The following PLCD1 variants were observed in gnomAD, a reference collection of about 807,000 sequenced individuals.
PLCD1 encodes the protein phospholipase C delta 1.
PLCD1 carries 71 observed loss-of-function variants against 87.4 expected under a neutral mutation model. That is an observed-to-expected ratio of 0.81 (90% confidence interval 0.67 to 0.99). The LOEUF is 0.99. PLCD1 is among the 50% of genes least tolerant of loss of function. The pLI, the probability that PLCD1 is intolerant of heterozygous loss-of-function variation, is 0.00. For missense variants in PLCD1, 867 were observed against 1,001.5 expected (o/e 0.87, Z 1.81); for synonymous variants, 348 against 399.2 (o/e 0.87, Z 1.53).
intron 1 of PLCD1, 103 bp downstream of exon 1, chr3:38,029,403 G>T: frequency 9.7e-7 from 1 of 1,029,134 alleles, no homozygotes; most frequent in Non-Finnish European, 1.5e-6. Flanking sequence ...GGGGTGGTGT[G>T]GAGGCGGCCG....
rs1700343539 is a variant in PLCD1, at chr3:38,029,627, G to A, written c.-88C>T. ...CGGCCTGGGGTCCGAGCGGAGTGCG[G>A]TGCAGGGACCTGAATGGACCGCGGT... On this transcript the variant is annotated 5_prime_UTR_variant, in exon 1 of 15. Coordinates refer to ENST00000334661, the MANE Select transcript of PLCD1 (RefSeq NM_006225.4). The A allele has an allele frequency of 3.9e-6, 5 of 1,296,696 alleles. No homozygotes were observed. Among genetic ancestry groups the A allele is most frequent in the South Asian group, 1.3e-5 (1 of 77,104 alleles). 80.3% of individuals were successfully genotyped at this position (1,296,696 alleles called of 1,614,324 possible).
rs772219717 is a variant in PLCD1 at position 38,010,539 on chromosome 3, T to C, written c.814A>G (p.Lys272Glu). 6.2e-7 allele frequency: 1 copy of C among 1,613,924 alleles called. No individual in the cohort carries two copies. The highest frequency in any genetic ancestry group is 8.5e-7 in the Non-Finnish European group (1 of 1,179,922). The change falls in exon 6 of 15, where the codon AAG (lysine) becomes GAG (glutamate). Residue 272 changes from lysine (K) to glutamate (E), a missense_variant. Physicochemically the swap from Lys to Glu is moderately conservative, Grantham distance 56. Coordinates refer to ENST00000334661, the MANE Select transcript of PLCD1 (RefSeq NM_006225.4). ...AGTAAGTACATGAGGAAGCCGTCCT[T>C]GGTCATCTGCCGCTGCGCCTTGGCT... ...ETAKAQRQMT[K>E]DGFLMYLLSA... is the part of the protein sequence containing the mutation.
intron 1 of PLCD1, among the ~76,000 whole-genome samples, chr3:38,023,002 G>A (rs746754827): frequency 1.3e-5 from 2 of 152,116 alleles, no homozygotes; most frequent in African/African-American, 4.8e-5. Flanking sequence ...TGGGAGGGTC[G>A]TGGCGAGGAG....
rs1227535346 is a variant in PLCD1 at position 38,011,544 on chromosome 3, C to G, written c.558G>C (p.Arg186Ser). 1 of 1,614,046 alleles carries G rather than the reference C, an allele frequency of 6.2e-7. No individual in the cohort carries two copies. Among genetic ancestry groups the G allele is most frequent in the Non-Finnish European group, 8.5e-7 (1 of 1,179,996 alleles). ...CCCCAGCCCCCACTTCCTGCCTCACCCTGAAGATCTTCCGGGCATAGCTGT... is the reference window on the plus strand; with the variant it reads ...CCCCAGCCCCCACTTCCTGCCTCACGCTGAAGATCTTCCGGGCATAGCTGT... Reference protein sequence around the residue: ...VDDSYARKIFRECDHSQTDSL... With the variant: ...VDDSYARKIFSECDHSQTDSL... The change falls in exon 4 of 15, where the codon AGG (arginine) becomes AGC (serine). Residue 186 changes from arginine (R) to serine (S), a missense_variant and splice_region_variant. Transcript: ENST00000334661.
chr3:38,019,881 A>G (rs1700207747), intron 2 of PLCD1, among the ~76,000 whole-genome samples: 1 of 152,086 alleles, frequency 6.6e-6, no homozygotes, highest in Non-Finnish European at 1.5e-5. Flanking sequence ...ATCTGTGGTC[A>G]TGGTTAAGTA....
At chr3:38,011,792 A>C (rs1700082386) in intron 3 of PLCD1, 119 bp from the exon 4 acceptor site, 1 of 906,754 alleles carries the variant, frequency 1.1e-6, no homozygotes, top group Admixed American at 1.8e-5. Context: ...GGCCTGACTT[A>C]CTACACATCC....
Position 38,016,643 on chromosome 3 carries a change from G to A in PLCD1, c.276C>T (p.Pro92=), listed in dbSNP as rs375939767. 126 of 1,607,004 alleles carry A rather than the reference G, an allele frequency of 7.8e-5. No individual in the cohort carries two copies. Among genetic ancestry groups the A allele is most frequent in the African/African-American group, 1.2e-4 (9 of 74,968 alleles). Residue 92 remains proline (P), a synonymous_variant, in exon 3 of 15, where the codon CCC becomes CCT. Coordinates refer to ENST00000334661, the MANE Select transcript of PLCD1 (RefSeq NM_006225.4). ...EGLEKFARDV[P]EDRCFSIVFK... is the part of the protein sequence containing the mutation. ...AGACAATGGAGAAGCAGCGGTCCTC[G>A]GGCACATCACGGGCGAACTTCTCCA...
chr3:38,011,378 G>A lies in PLCD1; in HGVS notation c.626C>T (p.Thr209Ile). 6.2e-7 allele frequency: 1 copy of A among 1,613,536 alleles called. No individual in the cohort carries two copies. Among genetic ancestry groups the A allele is most frequent in the Non-Finnish European group, 8.5e-7 (1 of 1,180,036 alleles). Residue 209 changes from threonine (T) to isoleucine (I), a missense_variant, in exon 5 of 15, where the codon ACC (threonine) becomes ATC (isoleucine). By Grantham distance (89) the Thr-to-Ile change is moderately conservative. Transcript: ENST00000334661. ...EEIEAFYKMLTQRVEIDRTFA... is the reference protein window; with the variant it reads ...EEIEAFYKMLIQRVEIDRTFA... Reference sequence around the variant, plus strand: ...GGTGCGGTCGATCTCCACCCGCTGGGTCAGCATCTTGTAGAAGGCCTCAAT... The same window carrying A: ...GGTGCGGTCGATCTCCACCCGCTGGATCAGCATCTTGTAGAAGGCCTCAAT...
At position 38,010,275 on chromosome 3, in the gene PLCD1, C is replaced by T; in HGVS notation, c.993G>A (p.Arg331=). 1.2e-6 allele frequency: 2 copies of T among 1,614,220 alleles called. No individual in the cohort carries two copies. Among genetic ancestry groups the T allele is most frequent in the Non-Finnish European group, 1.7e-6 (2 of 1,180,036 alleles). Reference sequence around the variant, plus strand: ...GGCATCGGCAGCCTTTGCACAGTGCCCTGCGGGGAGGGTGGTGGCTAGGAC... The same window carrying T: ...GGCATCGGCAGCCTTTGCACAGTGCTCTGCGGGGAGGGTGGTGGCTAGGAC... The part of the protein sequence containing the change: ...AGPSSTEAYI[R]ALCKGCRCLE... The change falls in exon 7 of 15, where the codon CGG becomes CGA. Residue 331 remains arginine (R), a splice_region_variant and synonymous_variant. Transcript: ENST00000334661.
chr3:38,008,338 G>A lies in PLCD1; in HGVS notation c.1932C>T (p.Val644=). ...CCACAATTGAATTCTTATTCTTGTT[G>A]ACTTTTGGCAGCTGCTGCCCCGAAA... The part of the protein sequence containing the change: ...RVISGQQLPK[V]NKNKNSIVDP... The change falls in exon 13 of 15, where the codon GTC becomes GTT. Residue 644 remains valine (V), a synonymous_variant. Coordinates refer to ENST00000334661, the MANE Select transcript of PLCD1 (RefSeq NM_006225.4). The A allele has an allele frequency of 6.2e-7, 1 of 1,614,232 alleles. No individual in the cohort carries two copies. The highest frequency in any genetic ancestry group is 8.5e-7 in the Non-Finnish European group (1 of 1,180,036).
chr3:38,009,766 G>A lies in PLCD1; in HGVS notation c.1333C>T (p.Leu445Phe), dbSNP rs780423817. 50 of 1,613,918 alleles carry A rather than the reference G, an allele frequency of 3.1e-5. No individual in the cohort carries two copies. The highest frequency in any genetic ancestry group is 4.2e-5 in the Non-Finnish European group (49 of 1,180,002). ...CCACCCTCCCCTCCAGGGGGCAGGA[G>A]CCCCCCGAGCTTCTTCCCCTTCAGC... ...ILLKGKKLGG[L>F]LPPGGEGGPE... Residue 445 changes from leucine to phenylalanine, a missense_variant, in exon 9 of 15, where the codon CTC becomes TTC. Transcript: ENST00000334661.
Position 38,009,491 on chromosome 3 carries a change from A to T in PLCD1, c.1447-60T>A. 6 of 1,594,820 alleles carry T rather than the reference A, an allele frequency of 3.8e-6. 1 individual carries two copies. The South Asian group carries it at 6.6e-5, about 18-fold the overall frequency. On this transcript the variant is annotated intron_variant, in intron 9 of 14. Transcript: ENST00000334661. The stretch of plus-strand genomic sequence containing the variant: ...TGGTTGGGGTAGGGTAGGCACTGAG[A>T]AAGCCAGAAACCCAGGCGCAGAGAG...
In PLCD1 at chr3:38,011,280, G is replaced by C. The variant is rs769966321; in HGVS notation, c.724C>G (p.Arg242Gly). Residue 242 changes from arginine to glycine, a missense_variant, in exon 5 of 15, where the codon CGG becomes GGG. Arg to Gly is a moderately radical substitution (Grantham distance 125). Transcript: ENST00000334661. ...QLVTFLQHQQREEAAGPALAL... is the reference protein window; with the variant it reads ...QLVTFLQHQQGEEAAGPALAL... ...AGCGCAGGCCCTGCCGCCTCCTCCC[G>C]CTGCTGGTGCTGCAGGAACGTCACT... is the stretch of plus-strand genomic sequence containing the variant. The C allele has an allele frequency of 1.3e-5, 21 of 1,611,754 alleles. No homozygotes were observed. The highest frequency in any genetic ancestry group is 6.7e-5 in the Admixed American group (4 of 60,018).
chr3:38,009,890 T>C lies in PLCD1; in HGVS notation c.1287+14A>G. 1 of 1,217,514 alleles carries C rather than the reference T, an allele frequency of 8.2e-7. No homozygotes were observed. The highest frequency in any genetic ancestry group is 1.2e-6 in the Non-Finnish European group (1 of 866,952). 75.4% of individuals were successfully genotyped at this position (1,217,514 alleles called of 1,614,324 possible). ...CCCACCCTCCCCCAGGGATCCCCCA[T>C]CCCCACCACACACCTCAGGGGAGGG... On this transcript the variant is annotated intron_variant, in intron 8 of 14. Transcript: ENST00000334661.
At chr3:38,029,026 C>G (rs2125553421) in intron 1 of PLCD1, among the ~76,000 whole-genome samples, 1 of 152,374 alleles carries the variant, frequency 6.6e-6, no homozygotes, top group East Asian at 1.9e-4. Context: ...ACCTCCTCTC[C>G]CCACCCGCTT....
intron 1 of PLCD1, chr3:38,024,376 G>A (rs1234502892): frequency 6.2e-7 from 1 of 1,612,902 alleles, no homozygotes; most frequent in East Asian, 2.2e-5. Context: ...TTAAGGCTCC[G>A]CTCCTGCAGG....
chr3:38,010,426 A>G lies in PLCD1; in HGVS notation c.927T>C (p.Ser309=). The G allele has an allele frequency of 1.2e-6, 2 of 1,614,214 alleles. No individual in the cohort carries two copies. Among genetic ancestry groups the G allele is most frequent in the Non-Finnish European group, 1.7e-6 (2 of 1,180,028 alleles). ...CCTCCAGCAGGTAGGTGTTGTGTGA[A>G]GAGGACACCAGGTAGTGGCTAAGTG... The part of the protein sequence containing the change: ...GQPLSHYLVS[S]SHNTYLLEDQ... Residue 309 remains serine (S), a synonymous_variant, in exon 6 of 15, where the codon TCT becomes TCC. Coordinates refer to ENST00000334661, the MANE Select transcript of PLCD1 (RefSeq NM_006225.4).
chr3:38,017,116 C>T lies in PLCD1; in HGVS notation c.200-397G>A, dbSNP rs564650104. On this transcript the variant is annotated intron_variant, in intron 2 of 14. Transcript: ENST00000334661. This position sits in a 1 kb window ranked among gnomAD's most constrained non-coding sequence, Gnocchi z 4.7. ...GAGCAGGGCAAGGCTCTTAGAGATGCGGACAGACCACTCTGGAGTGTGGGG... is the reference window on the plus strand; with the variant it reads ...GAGCAGGGCAAGGCTCTTAGAGATGTGGACAGACCACTCTGGAGTGTGGGG... Among the ~76,000 whole-genome samples, 58 of 152,048 alleles carry T rather than the reference C, an allele frequency of 3.8e-4. No individual in the cohort carries two copies. Among genetic ancestry groups the T allele is most frequent in the African/African-American group, 1.3e-3 (55 of 41,488 alleles).
At chr3:38,014,417 C>T (rs145174680) in intron 3 of PLCD1, among the ~76,000 whole-genome samples, 45 of 152,278 alleles carry the variant, frequency 3.0e-4, no homozygotes, top group Middle Eastern at 3.4e-3. Context: ...TCAGGCCCAG[C>T]GCAGTGGCTC....
Sources: allele counts gnomAD v4.1 joint callset (sites outside exome capture counted in the v4.1 genomes callset), GRCh38; gene constraint gnomAD v4.1.1; non-coding constraint Gnocchi (gnomAD v3.1); transcripts MANE v1.5; gene names NCBI Gene and HGNC (gene_info 2026-07-23, HGNC 2026-07-21).